The following SRPRB variants were observed in gnomAD, a reference collection of about 807,000 sequenced individuals.
SRPRB encodes signal recognition particle receptor subunit beta.
Under a neutral mutation model 31.9 loss-of-function variants are expected in SRPRB, and 20 were observed. The observed-to-expected ratio is 0.63, with a 90% CI of 0.44 to 0.91. The LOEUF (loss-of-function observed/expected upper bound fraction) is 0.91. Among genes scored for constraint, SRPRB ranks in the 40% least tolerant of loss-of-function variants. The pLI, the probability that SRPRB is intolerant of heterozygous loss-of-function variation, is 0.00. For missense variants in SRPRB, 321 were observed against 324.9 expected, an observed-to-expected ratio of 0.99 and a Z score of 0.09; for synonymous variants, 146 against 132.8, an observed-to-expected ratio of 1.10 and a Z score of -0.68.
rs1457533224 is a variant in SRPRB at position 133,806,516 on chromosome 3, T to TCACAGACTTCTGTGAATTTCCC, written c.155-89_155-68dup. ...AGTTCCAGGTGAATGAGGTGTTTCG[T>TCACAGACTTCTGTGAATTTCCC]CACAGACTTCTGTGAATTTCCCCAC... is the stretch of plus-strand genomic sequence containing the variant. On this transcript the variant is annotated intron_variant, in intron 1 of 6. Coordinates refer to ENST00000678299, the MANE Select transcript of SRPRB (RefSeq NM_001379313.1). The TCACAGACTTCTGTGAATTTCCC allele has an allele frequency of 1.1e-4, 106 of 948,974 alleles. No homozygotes were observed. The East Asian group carries it at 2.4e-3, about 21-fold the overall frequency. The allele number at this position is 948,974 out of a possible 1,614,324, so 58.8% of individuals were successfully genotyped here. A position where few individuals can be genotyped will look rare whatever the true frequency, so the allele number is the denominator to read the frequency against.
downstream of SRPRB, among the ~76,000 whole-genome samples, chr3:133,822,833 A>G (rs1158163616): frequency 1.3e-5 from 2 of 152,196 alleles, no homozygotes; most frequent in Admixed American, 6.5e-5. Flanking sequence ...AGGAAAGGTG[A>G]TCACCCACCT....
At chr3:133,823,355 G>T (rs1227614526), downstream of SRPRB, among the ~76,000 whole-genome samples, 3 of 152,204 alleles carry the variant, frequency 2.0e-5, no homozygotes, top group African/African-American at 7.2e-5. Flanking sequence ...TGCCTCCCGG[G>T]TTCAAGTGAT....
intron 1 of SRPRB, among the ~76,000 whole-genome samples, chr3:133,800,791 A>T (rs989292553): frequency 5.9e-5 from 9 of 152,338 alleles, no homozygotes; most frequent in Admixed American, 4.6e-4. Flanking sequence ...TAGGCCTGGG[A>T]TCATTCATTC....
upstream of SRPRB, among the ~76,000 whole-genome samples, chr3:133,805,068 C>T (rs569933531): frequency 6.6e-6 from 1 of 152,216 alleles, no homozygotes; most frequent in Non-Finnish European, 1.5e-5. Context: ...AACCGGCCAC[C>T]CAGGTCCCAT....
At chr3:133,788,179 A>T (rs537142089) in intron 1 of SRPRB, 5 of 152,304 alleles carry the variant, frequency 3.3e-5, no homozygotes, top group Non-Finnish European at 7.3e-5. Context: ...CACATCAGCT[A>T]TGACAGGACA....
upstream of SRPRB, among the ~76,000 whole-genome samples, chr3:133,803,654 C>T (rs1935094490): frequency 7.0e-6 from 1 of 143,588 alleles, no homozygotes; most frequent in African/African-American, 2.6e-5. Context: ...GGAAGAGTCC[C>T]AGTTCCTTTT....
In SRPRB at chr3:133,807,781, C is replaced by A; in HGVS notation, c.285C>A (p.Ser95=). 1.2e-6 allele frequency: 2 copies of A among 1,612,812 alleles called. No homozygotes were observed. Among genetic ancestry groups the A allele is most frequent in the Non-Finnish European group, 1.7e-6 (2 of 1,179,726 alleles). The change falls in exon 3 of 7, where the codon TCC becomes TCA. Residue 95 remains serine, a synonymous_variant. Transcript: ENST00000678299. ...LTGLYRDTQT[S]ITDSCAVYRV... is the part of the protein sequence containing the mutation. ...GCCTTTATAGAGACACTCAGACGTC[C>A]ATTACTGACAGCTGTGCTGTATACA...
At chr3:133,811,013 T>G in intron 3 of SRPRB, 104 bp from the exon 4 acceptor site, 2 of 1,040,236 alleles carry the variant, frequency 1.9e-6, no homozygotes, top group Non-Finnish European at 2.8e-6. Context: ...AACATTTGTT[T>G]GGTTAATTAG....
At chr3:133,800,000 G>A (rs1935038286) in intron 1 of SRPRB, among the ~76,000 whole-genome samples, 2 of 152,214 alleles carry the variant, frequency 1.3e-5, no homozygotes, top group Non-Finnish European at 2.9e-5. Context: ...GACAGCTGTG[G>A]CTGACATCAT....
At chr3:133,796,917 G>A (rs1934985243) in intron 1 of SRPRB, among the ~76,000 whole-genome samples, 1 of 152,186 alleles carries the variant, frequency 6.6e-6, no homozygotes, top group African/African-American at 2.4e-5. Flanking sequence ...GCTGATTCAG[G>A]GAGGAAGGAG....
At position 133,819,803 on chromosome 3, in the gene SRPRB, A is replaced by T; in HGVS notation, c.*37A>T. 1.3e-6 allele frequency: 2 copies of T among 1,592,742 alleles called. No individual in the cohort carries two copies. The highest frequency in any genetic ancestry group is 1.7e-6 in the Non-Finnish European group (2 of 1,166,136). On this transcript the variant is annotated 3_prime_UTR_variant, in exon 7 of 7. Coordinates refer to ENST00000678299, the MANE Select transcript of SRPRB (RefSeq NM_001379313.1). ...AAAGCACAAGACCTGGATGTGTGAC[A>T]CACAGTTTTGGAAAAAGGTCTGTGG... is the stretch of plus-strand genomic sequence containing the variant.
intron 1 of SRPRB, chr3:133,792,552 A>C (rs1313334453): frequency 1.3e-5 from 2 of 152,188 alleles, no homozygotes; most frequent in Non-Finnish European, 2.9e-5. Flanking sequence ...ACTAATATAT[A>C]ATTAAAATCC....
chr3:133,801,056 G>T (rs1935053962), upstream of SRPRB, among the ~76,000 whole-genome samples: 1 of 152,142 alleles, frequency 6.6e-6, no homozygotes, highest in Non-Finnish European at 1.5e-5. Flanking sequence ...GTTAAATTCT[G>T]TTTTTAAAAA....
chr3:133,803,668 T>C (rs972549418), upstream of SRPRB, among the ~76,000 whole-genome samples: 17 of 151,804 alleles, frequency 1.1e-4, no homozygotes, highest in African/African-American at 4.1e-4. Flanking sequence ...TCCTTTTTTT[T>C]TTTTCCTTTT....
chr3:133,816,777 A>G (rs1348306966), intron 5 of SRPRB, 101 bp from the exon 6 acceptor site: 2 of 879,354 alleles, frequency 2.3e-6, no homozygotes, highest in Non-Finnish European at 3.4e-6. Context: ...AAAAAGAGAA[A>G]AACTTACTGG....
At chr3:133,793,924 C>T (rs1934906310) in intron 1 of SRPRB, 2 of 151,950 alleles carry the variant, frequency 1.3e-5, no homozygotes, top group Non-Finnish European at 2.9e-5. Context: ...AACTGCTAAC[C>T]CAAGTAGAAC....
At chr3:133,801,435 C>T, upstream of SRPRB, among the ~76,000 whole-genome samples, 1 of 152,208 alleles carries the variant, frequency 6.6e-6, no homozygotes, top group East Asian at 1.9e-4. Context: ...TAACTTCTCA[C>T]TGAGTGTGGG....
At chr3:133,804,587 A>AT (rs1214703358), upstream of SRPRB, among the ~76,000 whole-genome samples, 1 of 152,148 alleles carries the variant, frequency 6.6e-6, no homozygotes. Flanking sequence ...TAACAGATGT[A>AT]TTTTTTTGTG....
chr3:133,814,470 G>A (rs1218390068), intron 4 of SRPRB, among the ~76,000 whole-genome samples: 6 of 150,410 alleles, frequency 4.0e-5, no homozygotes, highest in Admixed American at 6.6e-5. Context: ...ATGGAGTTTC[G>A]CTTTGTCACC....
Sources: allele counts gnomAD v4.1 joint callset (sites outside exome capture counted in the v4.1 genomes callset), GRCh38; gene constraint gnomAD v4.1.1; transcripts MANE v1.5; gene names NCBI Gene and HGNC (gene_info 2026-07-23, HGNC 2026-07-21).